The following FRMPD1 variants were observed in gnomAD, a reference collection of about 807,000 sequenced individuals.
The protein encoded by FRMPD1 is FERM and PDZ domain-containing protein 1.
Under a neutral mutation model 117.8 loss-of-function variants are expected in FRMPD1, and 76 were observed. That is an observed-to-expected ratio of 0.65 (90% CI 0.54 to 0.78). The LOEUF is 0.78. FRMPD1 is among the 30% of genes least tolerant of loss of function. The pLI, the probability that FRMPD1 is intolerant of heterozygous loss-of-function variation, is 0.00. For synonymous variants in FRMPD1, 783 were observed against 770.4 expected (o/e 1.02, Z -0.27); for missense variants, 1,786 against 1,964.5 (o/e 0.91, Z 1.72).
chr9:37,704,605 A>G (rs538417675), intron 2 of FRMPD1, among the ~76,000 whole-genome samples: 2 of 152,050 alleles, frequency 1.3e-5, no homozygotes, highest in Non-Finnish European at 2.9e-5. Context: ...TTTCACCTAT[A>G]AAACAGGAAT....
At chr9:37,653,271 T>C (rs1468657347) in intron 1 of FRMPD1, among the ~76,000 whole-genome samples, 5 of 152,200 alleles carry the variant, frequency 3.3e-5, no homozygotes, top group South Asian at 2.1e-4. Context: ...TAATAGGATG[T>C]TTGCATGTAA....
intron 1 of FRMPD1, among the ~76,000 whole-genome samples, chr9:37,685,514 T>A (rs968444106): frequency 1.3e-5 from 2 of 151,102 alleles, no homozygotes; most frequent in Admixed American, 6.6e-5. Flanking sequence ...TAGCCGGGCG[T>A]GGTGGCGGGC....
intron 1 of FRMPD1, among the ~76,000 whole-genome samples, chr9:37,691,257 AT>A (rs926905457): frequency 1.6e-4 from 25 of 152,270 alleles, no homozygotes; most frequent in Middle Eastern, 3.4e-3. Flanking sequence ...CTTCAGTAGG[AT>A]GGGAAAGAGA....
chr9:37,712,614 C>T (rs1474497254), intron 5 of FRMPD1, among the ~76,000 whole-genome samples: 1 of 152,148 alleles, frequency 6.6e-6, no homozygotes, highest in Non-Finnish European at 1.5e-5. Flanking sequence ...CCTCGGCTTC[C>T]CAAAGTGCTG....
In FRMPD1 at chr9:37,695,257, A is replaced by G. The variant is rs140239152; in HGVS notation, c.101+2515A>G. 2.9e-3 allele frequency among the ~76,000 whole-genome samples: 447 copies of G among 152,306 alleles called. 2 individuals carry two copies. Among genetic ancestry groups the G allele is most frequent in the African/African-American group, 0.01 (420 of 41,554 alleles). On this transcript the variant is annotated intron_variant, in intron 2 of 15. Transcript: ENST00000377765. Reference sequence around the variant, plus strand: ...GACTGTTTCCCAGAGTGGCCATACCATTCTACATTTCCACCAGCAGTATGT... The same window carrying G: ...GACTGTTTCCCAGAGTGGCCATACCGTTCTACATTTCCACCAGCAGTATGT...
the FRMPD1 span, chr9:37,637,338 C>T: frequency 1.1e-6 from 1 of 918,904 alleles, no homozygotes; most frequent in Admixed American, 1.7e-5. Flanking sequence ...CGGCTCTGCT[C>T]CGCCTCCCGT....
At chr9:37,626,918 C>T in the FRMPD1 span, among the ~76,000 whole-genome samples, 2 of 152,114 alleles carry the variant, frequency 1.3e-5, no homozygotes, top group Non-Finnish European at 2.9e-5. Flanking sequence ...CTTTGAAGTT[C>T]GAGCAGTACT....
At chr9:37,700,828 G>A (rs1362887026) in intron 2 of FRMPD1, among the ~76,000 whole-genome samples, 1 of 152,192 alleles carries the variant, frequency 6.6e-6, no homozygotes, top group Non-Finnish European at 1.5e-5. Context: ...TAAGATCACA[G>A]AAATGACCTC....
chr9:37,657,734 G>A (rs1434084512), intron 1 of FRMPD1, among the ~76,000 whole-genome samples: 1 of 152,150 alleles, frequency 6.6e-6, no homozygotes, highest in Non-Finnish European at 1.5e-5. Flanking sequence ...TTGTTTATGT[G>A]CTGAAAACCT....
chr9:37,626,155 C>T, the FRMPD1 span, among the ~76,000 whole-genome samples: 4 of 152,178 alleles, frequency 2.6e-5, 1 homozygote, highest in South Asian at 4.1e-4. Context: ...GGTGAAACCC[C>T]GTCTCTACTA....
At chr9:37,689,652 T>C (rs889547648) in intron 1 of FRMPD1, among the ~76,000 whole-genome samples, 41 of 152,212 alleles carry the variant, frequency 2.7e-4, no homozygotes, top group African/African-American at 8.9e-4. Context: ...CTCATTTCTT[T>C]TGTCCTTACT....
chr9:37,650,133 TG>T, upstream of FRMPD1, among the ~76,000 whole-genome samples: 1 of 152,264 alleles, frequency 6.6e-6, no homozygotes, highest in East Asian at 1.9e-4. Context: ...AAAGGTGTAT[TG>T]TATCTCCAGT....
the FRMPD1 span, among the ~76,000 whole-genome samples, chr9:37,635,944 CCTT>C: frequency 1.3e-5 from 2 of 152,120 alleles, no homozygotes; most frequent in African/African-American, 4.8e-5. Flanking sequence ...GCACGGTGGG[CCTT>C]CCGCCTCCGC....
At chr9:37,727,991 A>G (rs137918065) in intron 7 of FRMPD1, 1 of 152,380 alleles carries the variant, frequency 6.6e-6, no homozygotes. Context: ...AACAGAGCAC[A>G]GCACAGGCAA....
At chr9:37,706,000 T>TAAAA (rs1554665475) in intron 2 of FRMPD1, among the ~76,000 whole-genome samples, 1 of 140,222 alleles carries the variant, frequency 7.1e-6, no homozygotes, top group African/African-American at 2.6e-5. Context: ...AATAAATAAA[T>TAAAA]AAAAGATTGA....
Position 37,746,631 on chromosome 9 carries a change from G to A in FRMPD1, c.4599G>A (p.Gln1533=), listed in dbSNP as rs1824738675. 6.2e-7 allele frequency: 1 copy of A among 1,614,110 alleles called. No homozygotes were observed. Among genetic ancestry groups the A allele is most frequent in the Admixed American group, 1.7e-5 (1 of 60,028 alleles). The change falls in exon 16 of 16, where the codon CAG becomes CAA. Residue 1533 remains glutamine, a synonymous_variant. Coordinates refer to ENST00000377765, the MANE Select transcript of FRMPD1 (RefSeq NM_014907.3). ...NLRDVVYTYH[Q]FIEAAKSTCE... ...GGGATGTGGTGTACACCTACCATCA[G>A]TTTATAGAGGCTGCTAAATCGACCT...
upstream of FRMPD1, among the ~76,000 whole-genome samples, chr9:37,647,506 G>A (rs1213389807): frequency 2.1e-4 from 26 of 121,854 alleles, no homozygotes; most frequent in Non-Finnish European, 3.1e-4. Flanking sequence ...GCGAGACTCC[G>A]TTTCAAAAAA....
chr9:37,744,724 G>C lies in FRMPD1; in HGVS notation c.2692G>C (p.Glu898Gln), dbSNP rs1319955666. 6.2e-7 allele frequency: 1 copy of C among 1,613,932 alleles called. No homozygotes were observed. The highest frequency in any genetic ancestry group is 1.1e-5 in the South Asian group (1 of 91,076). The change falls in exon 16 of 16, where the codon GAG (glutamate) becomes CAG (glutamine). Residue 898 changes from glutamate (E) to glutamine (Q), a missense_variant. Physicochemically the swap from Glu to Gln is conservative, Grantham distance 29. Coordinates refer to ENST00000377765, the MANE Select transcript of FRMPD1 (RefSeq NM_014907.3). ...CATGCAGGGTGAGCCTGGCCTTCTG[G>C]AGACCAAGGCCTTGGGGCTGCTGGC... The part of the protein sequence containing the change: ...QDMQGEPGLL[E>Q]TKALGLLAPL...
intron 2 of FRMPD1, among the ~76,000 whole-genome samples, chr9:37,698,501 G>A (rs2099946792): frequency 6.8e-6 from 1 of 146,172 alleles, no homozygotes; most frequent in African/African-American, 2.5e-5. Context: ...CTTTTACACA[G>A]CTGTATTAAA....
Sources: gnomAD v4.1 joint callset for allele counts (sites outside exome capture counted in the v4.1 genomes callset) on GRCh38, gnomAD v4.1.1 for gene constraint, MANE v1.5 for transcripts, NCBI Gene and HGNC (gene_info 2026-07-23, HGNC 2026-07-21) for gene names.